SATB1: variants seen among roughly 807,000 people sequenced by gnomAD.
SATB1 encodes DNA-binding protein SATB1.
A neutral mutation model predicts 86.9 loss-of-function variants in SATB1; 11 were observed. The ratio of observed to expected loss-of-function variants is 0.13; its 90% CI spans 0.08 to 0.21. SATB1 has a LOEUF of 0.21. Among genes scored for constraint, SATB1 ranks in the 10% least tolerant of loss-of-function variants. The pLI is 1.00. For missense variants in SATB1, 551 were observed against 937.6 expected, an observed-to-expected ratio of 0.59 and a Z score of 5.39; for synonymous variants, 357 against 357.2, an observed-to-expected ratio of 1.00 and a Z score of 0.01.
In SATB1 at chr3:18,394,537, C is replaced by A; in HGVS notation, c.1131G>T (p.Gln377His). 1 of 1,614,212 alleles carries A rather than the reference C, an allele frequency of 6.2e-7. No individual in the cohort carries two copies. The highest frequency in any genetic ancestry group is 1.1e-5 in the South Asian group (1 of 91,082). ...TNTEVSSEIYQWVRDELKRAG... is the reference protein window; with the variant it reads ...TNTEVSSEIYHWVRDELKRAG... ...CTCGTTTCAGTTCATCGCGTACCCA[C>A]TGGTAGATTTCGGAAGACACCTCTG... is the stretch of plus-strand genomic sequence containing the variant. Residue 377 changes from glutamine (Q) to histidine (H), a missense_variant, in exon 7 of 11, where the codon CAG (glutamine) becomes CAT (histidine). This residue lies in a region of SATB1 where 119 missense variants were observed against 171.1 expected (regional missense o/e 0.70). Transcript: ENST00000338745. The surrounding 1 kb of genome is among the most constrained non-coding windows in gnomAD (Gnocchi z 5.9).
intron 10 of SATB1, chr3:18,350,595 C>A (rs956873326): frequency 2.6e-5 from 4 of 152,254 alleles, no homozygotes; most frequent in Non-Finnish European, 4.4e-5. Flanking sequence ...TCCTTTTATA[C>A]CCCTAAGAAG....
At chr3:18,409,338 G>A (rs1697711711) in intron 5 of SATB1, 1 of 151,972 alleles carries the variant, frequency 6.6e-6, no homozygotes, top group Non-Finnish European at 1.5e-5. Context: ...AAATGAGCCT[G>A]ATATATTAGA....
intron 9 of SATB1, among the ~76,000 whole-genome samples, chr3:18,365,539 T>C (rs937879592): frequency 4.6e-5 from 7 of 152,162 alleles, no homozygotes; most frequent in Non-Finnish European, 1.5e-5. Flanking sequence ...TCACTGCCTC[T>C]CAAAGAGCAC....
intron 6 of SATB1, among the ~76,000 whole-genome samples, chr3:18,395,886 G>C (rs1188437201): frequency 1.3e-5 from 2 of 152,198 alleles, no homozygotes; most frequent in African/African-American, 2.4e-5. Context: ...CTCTTGGCTG[G>C]AAGGGCTGAG....
chr3:18,355,661 CAACAA>C (rs573699778), intron 9 of SATB1, among the ~76,000 whole-genome samples: 27 of 151,612 alleles, frequency 1.8e-4, no homozygotes, highest in Non-Finnish European at 3.2e-4. Flanking sequence ...AAAAAAACAC[CAACAA>C]AACAAAACAA....
chr3:18,381,329 C>T (rs1375334386), intron 8 of SATB1, among the ~76,000 whole-genome samples: 1 of 152,168 alleles, frequency 6.6e-6, no homozygotes, highest in East Asian at 1.9e-4. Flanking sequence ...AAGCACACTG[C>T]TTTTACACAA....
chr3:18,360,519 T>A (rs913178876), intron 9 of SATB1, among the ~76,000 whole-genome samples: 1 of 140,124 alleles, frequency 7.1e-6, no homozygotes, highest in East Asian at 2.2e-4. Context: ...GAAAGCCCTT[T>A]CTCCTATTTT....
rs2125120412 is a variant in SATB1 at position 18,348,076 on chromosome 3, A to C, written c.*1094T>G. 6.5e-6 allele frequency: 1 copy of C among 152,768 alleles called. No homozygotes were observed. The highest frequency in any genetic ancestry group is 3.4e-3 in the Middle Eastern group (1 of 294). 9.5% of individuals were successfully genotyped at this position (152,768 alleles called of 1,614,324 possible). Reference sequence around the variant, plus strand: ...CAAAATAGCTGTTTTCATAGCCATAAACTCATAAAAAAGAAATACACCTTT... The same window carrying C: ...CAAAATAGCTGTTTTCATAGCCATACACTCATAAAAAAGAAATACACCTTT... On this transcript the variant is annotated 3_prime_UTR_variant, in exon 11 of 11. Coordinates refer to ENST00000338745, the MANE Select transcript of SATB1 (RefSeq NM_002971.6).
chr3:18,377,087 T>C (rs1035414072), intron 9 of SATB1, among the ~76,000 whole-genome samples: 21 of 152,160 alleles, frequency 1.4e-4, no homozygotes, highest in African/African-American at 4.6e-4. Context: ...GCAAAACTCC[T>C]GTCAAGTAAC....
At chr3:18,369,539 C>A (rs1695354348) in intron 9 of SATB1, among the ~76,000 whole-genome samples, 1 of 152,064 alleles carries the variant, frequency 6.6e-6, no homozygotes, top group East Asian at 1.9e-4. Flanking sequence ...CATACCCCAA[C>A]CCTTAAAAAA....
chr3:18,410,347 G>A (rs1462921619), intron 5 of SATB1, among the ~76,000 whole-genome samples: 1 of 151,890 alleles, frequency 6.6e-6, no homozygotes, highest in Non-Finnish European at 1.5e-5. Context: ...TCCTTTATCT[G>A]TGGTATGTGA....
Position 18,394,767 on chromosome 3 carries a change from G to T in SATB1, c.901C>A (p.Pro301Thr). 1 of 1,614,146 alleles carries T rather than the reference G, an allele frequency of 6.2e-7. No homozygotes were observed. Among genetic ancestry groups the T allele is most frequent in the Middle Eastern group, 1.7e-4 (1 of 6,060 alleles). Residue 301 changes from proline (P) to threonine (T), a missense_variant, in exon 7 of 11, where the codon CCA becomes ACA. Pro to Thr is a conservative substitution (Grantham distance 38, BLOSUM62 -1). This residue lies in a region of SATB1 where 119 missense variants were observed against 171.1 expected (regional missense o/e 0.70). Transcript: ENST00000338745. The surrounding 1 kb of genome is among the most constrained non-coding windows in gnomAD (Gnocchi z 5.9). ...GSQPSVRTPL[P>T]NLHPGLVSTP... is the part of the protein sequence containing the mutation. ...GATACGAGCCCAGGGTGCAGGTTTGGAAGAGGTGTCCGGACAGAGGGCTGG... is the reference window on the plus strand; with the variant it reads ...GATACGAGCCCAGGGTGCAGGTTTGTAAGAGGTGTCCGGACAGAGGGCTGG...
chr3:18,415,993 C>A lies in SATB1; in HGVS notation c.515+14G>T. ...AGAAGAATGTTTCACCCTAGATTTG[C>A]TGTCTTGACTCACCTGTGTAACTGA... On this transcript the variant is annotated intron_variant, in intron 4 of 10. Transcript: ENST00000338745. 1 of 1,562,924 alleles carries A rather than the reference C, an allele frequency of 6.4e-7. No homozygotes were observed. Among genetic ancestry groups the A allele is most frequent in the Non-Finnish European group, 8.7e-7 (1 of 1,148,274 alleles).
upstream of SATB1, among the ~76,000 whole-genome samples, chr3:18,425,789 G>A (rs1698671222): frequency 6.6e-6 from 1 of 150,426 alleles, no homozygotes; most frequent in Non-Finnish European, 1.5e-5. Flanking sequence ...GCGGCGCGCG[G>A]GCGGCAGGGG....
At chr3:18,418,317 C>T (rs950301054) in intron 2 of SATB1, among the ~76,000 whole-genome samples, 5 of 152,116 alleles carry the variant, frequency 3.3e-5, no homozygotes, top group Non-Finnish European at 7.4e-5. Context: ...CAAAGATTCT[C>T]TATTTGCTTG....
At position 18,349,204 on chromosome 3, in the gene SATB1, C is replaced by T. The variant is rs1178417780; in HGVS notation, c.2258G>A (p.Gly753Glu). 2 of 1,614,026 alleles carry T rather than the reference C, an allele frequency of 1.2e-6. No homozygotes were observed. The highest frequency in any genetic ancestry group is 3.3e-5 in the Admixed American group (2 of 60,018). ...VKLEEELSVE[G>E]NTDINTDLKD ...CAAATCAGTATTAATGTCTGTGTTT[C>T]CTTCCACTGACAGCTCTTCTTCTAG... is the stretch of plus-strand genomic sequence containing the variant. The change falls in exon 11 of 11, where the codon GGA becomes GAA. Residue 753 changes from glycine (G) to glutamate (E), a missense_variant. Physicochemically the swap from Gly to Glu is moderately conservative, Grantham distance 98. Transcript: ENST00000338745. The surrounding 1 kb of genome is among the most constrained non-coding windows in gnomAD (Gnocchi z 5.5).
intron 8 of SATB1, among the ~76,000 whole-genome samples, chr3:18,383,881 T>G (rs1696185274): frequency 6.6e-6 from 1 of 152,138 alleles, no homozygotes; most frequent in Non-Finnish European, 1.5e-5. Context: ...GGGAAGAATG[T>G]GAACAAACTG....
chr3:18,405,020 C>T (rs1423412239), intron 5 of SATB1, among the ~76,000 whole-genome samples: 1 of 151,968 alleles, frequency 6.6e-6, no homozygotes, highest in African/African-American at 2.4e-5. Flanking sequence ...TTGTAACGCA[C>T]ATTATTCATT....
chr3:18,438,847 G>C (rs1164458001), upstream of SATB1: 1 of 152,754 alleles, frequency 6.5e-6, no homozygotes, highest in Non-Finnish European at 1.5e-5. Context: ...GGGTGCGGGG[G>C]GCGGGCAGCT....
Sources: allele counts gnomAD v4.1 joint callset (sites outside exome capture counted in the v4.1 genomes callset), GRCh38; gene constraint gnomAD v4.1.1; regional missense constraint gnomAD v4.1.1; non-coding constraint Gnocchi (gnomAD v3.1); transcripts MANE v1.5; gene names NCBI Gene and HGNC (gene_info 2026-07-23, HGNC 2026-07-21).